The following CCDC91 variants were observed in gnomAD, a reference collection of about 807,000 sequenced individuals.
The protein encoded by CCDC91 is coiled-coil domain containing 91, also known as coiled-coil domain-containing protein 91.
A neutral mutation model predicts 63.2 loss-of-function variants in CCDC91; 48 were observed. The observed-to-expected ratio is 0.76, with a 90% CI of 0.60 to 0.97. The LOEUF is 0.97. CCDC91 is among the 50% of genes least tolerant of loss of function. The pLI, the probability that CCDC91 is intolerant of heterozygous loss-of-function variation, is 0.00. For missense variants in CCDC91, 500 were observed against 494.6 expected, an observed-to-expected ratio of 1.01 and a Z score of -0.10; for synonymous variants, 167 against 165.8, an observed-to-expected ratio of 1.01 and a Z score of -0.06.
chr12:28,464,384 C>T (rs925571418), intron 11 of CCDC91, among the ~76,000 whole-genome samples: 3 of 152,166 alleles, frequency 2.0e-5, no homozygotes, highest in African/African-American at 7.2e-5. Flanking sequence ...TGTGGCATCA[C>T]CCATCCCCAG....
intron 7 of CCDC91, among the ~76,000 whole-genome samples, chr12:28,386,229 C>G (rs1361478570): frequency 6.6e-6 from 1 of 152,036 alleles, no homozygotes; most frequent in Non-Finnish European, 1.5e-5. Flanking sequence ...TATGTAATAT[C>G]AGTTTTCACA....
At chr12:28,416,374 C>T (rs1947663013) in intron 8 of CCDC91, among the ~76,000 whole-genome samples, 1 of 151,762 alleles carries the variant, frequency 6.6e-6, no homozygotes. Flanking sequence ...ATGGTGTGTA[C>T]TGTTAGAGAA....
At chr12:28,502,664 G>A (rs1336768359) in intron 12 of CCDC91, among the ~76,000 whole-genome samples, 3 of 151,510 alleles carry the variant, frequency 2.0e-5, no homozygotes. Flanking sequence ...GAGGCATCAT[G>A]CTACCTGACT....
intron 3 of CCDC91, among the ~76,000 whole-genome samples, chr12:28,261,317 A>AAATTGAT (rs1946810800): frequency 6.6e-6 from 1 of 151,934 alleles, no homozygotes; most frequent in African/African-American, 2.4e-5. Context: ...AATGACACTT[A>AAATTGAT]AAGTTGTAGG....
In CCDC91 at chr12:28,479,415, G is replaced by T. The variant is rs1592794409; in HGVS notation, c.1102-4637G>T. Among the ~76,000 whole-genome samples, 4 of 151,994 alleles carry T rather than the reference G, an allele frequency of 2.6e-5. No homozygotes were observed. In the South Asian group the frequency reaches 8.3e-4, roughly 32 times the overall value. Reference sequence around the variant, plus strand: ...CACTCATAGGTAGGAATTGAACAATGAGAACATTTGGACACATGATGGGGA... The same window carrying T: ...CACTCATAGGTAGGAATTGAACAATTAGAACATTTGGACACATGATGGGGA... On this transcript the variant is annotated intron_variant, in intron 11 of 12. Coordinates refer to ENST00000536442, the MANE Select transcript of CCDC91 (RefSeq NM_018318.5).
intron 6 of CCDC91, among the ~76,000 whole-genome samples, chr12:28,337,237 C>T (rs1942051072): frequency 6.6e-6 from 1 of 152,046 alleles, no homozygotes; most frequent in African/African-American, 2.4e-5. Flanking sequence ...TAATATTTTC[C>T]ATAATACTTC....
At chr12:28,452,380 G>A (rs1949848804) in intron 10 of CCDC91, 98 bp from the exon 11 acceptor site, 6 of 779,006 alleles carry the variant, frequency 7.7e-6, no homozygotes, top group Non-Finnish European at 1.2e-5. Context: ...AAACACTATA[G>A]GATCAAAGTT....
intron 1 of CCDC91, among the ~76,000 whole-genome samples, chr12:28,192,694 G>A (rs140335973): frequency 1.2e-3 from 177 of 152,052 alleles, no homozygotes; most frequent in African/African-American, 3.9e-3. Flanking sequence ...CCCATACCCA[G>A]TAAGTTTGGT....
chr12:28,491,953 A>G, intron 12 of CCDC91, among the ~76,000 whole-genome samples: 1 of 141,908 alleles, frequency 7.0e-6, no homozygotes, highest in Non-Finnish European at 1.6e-5. Flanking sequence ...GCGTGTATGA[A>G]GGTGTTGGGG....
chr12:28,227,600 A>T (rs950694410), intron 1 of CCDC91, among the ~76,000 whole-genome samples: 1 of 151,902 alleles, frequency 6.6e-6, no homozygotes, highest in African/African-American at 2.4e-5. Context: ...TTTGTACCCA[A>T]ACTTGCTTTT....
At chr12:28,501,301 G>A (rs1937817181) in intron 12 of CCDC91, among the ~76,000 whole-genome samples, 1 of 151,820 alleles carries the variant, frequency 6.6e-6, no homozygotes, top group Non-Finnish European at 1.5e-5. Context: ...CAAAGGGAAT[G>A]CTTCCAGTTT....
At chr12:28,376,401 G>C (rs1263267077) in intron 7 of CCDC91, among the ~76,000 whole-genome samples, 1 of 151,664 alleles carries the variant, frequency 6.6e-6, no homozygotes, top group Non-Finnish European at 1.5e-5. Flanking sequence ...ATGGACTGCT[G>C]TTTTTAATAC....
intron 12 of CCDC91, among the ~76,000 whole-genome samples, chr12:28,539,805 A>G (rs1273746939): frequency 6.6e-6 from 1 of 152,108 alleles, no homozygotes; most frequent in Non-Finnish European, 1.5e-5. Context: ...AGTAGGATAA[A>G]TCTGTTTTAA....
chr12:28,520,468 T>TAA (rs1169158655), intron 12 of CCDC91, among the ~76,000 whole-genome samples: 1 of 152,220 alleles, frequency 6.6e-6, no homozygotes, highest in Non-Finnish European at 1.5e-5. Context: ...ATTCTGGATA[T>TAA]TAGCCCTTTG....
rs1306602834 is a variant in CCDC91 at position 28,229,784 on chromosome 12, A to G, written c.-14-27418A>G. Among the ~76,000 whole-genome samples the G allele has an allele frequency of 3.6e-5, 5 of 139,968 alleles. No individual in the cohort carries two copies. In the East Asian group the frequency reaches 1.5e-3, roughly 41 times the overall value. The allele number at this position is 139,968 out of a possible 152,430, so 91.8% of individuals were successfully genotyped here. ...GACTGATTATTAATGATGGGGACATATTTTGGTTTTTTTAGCTCACGTTGG... is the reference window on the plus strand; with the variant it reads ...GACTGATTATTAATGATGGGGACATGTTTTGGTTTTTTTAGCTCACGTTGG... On this transcript the variant is annotated intron_variant, in intron 1 of 12. Transcript: ENST00000536442.
intron 11 of CCDC91, among the ~76,000 whole-genome samples, chr12:28,464,635 C>A (rs1306148223): frequency 6.6e-6 from 1 of 152,156 alleles, no homozygotes; most frequent in African/African-American, 2.4e-5. Context: ...CCAGTCCTGA[C>A]AGGATTTATT....
intron 6 of CCDC91, among the ~76,000 whole-genome samples, chr12:28,352,933 T>C (rs1398857075): frequency 1.3e-5 from 2 of 152,220 alleles, no homozygotes; most frequent in Admixed American, 6.5e-5. Flanking sequence ...AGTCATTGAC[T>C]TCTTCCCTCT....
chr12:28,311,041 T>C (rs926534165), intron 6 of CCDC91, among the ~76,000 whole-genome samples: 2 of 152,082 alleles, frequency 1.3e-5, no homozygotes, highest in African/African-American at 4.8e-5. Flanking sequence ...TTAAATCTTG[T>C]ATTTTAGCAG....
At chr12:28,374,142 A>G (rs1055006510) in intron 7 of CCDC91, among the ~76,000 whole-genome samples, 1 of 152,168 alleles carries the variant, frequency 6.6e-6, no homozygotes, top group Non-Finnish European at 1.5e-5. Flanking sequence ...TCATATTGCC[A>G]TTCCAGAAGT....
Sources: gnomAD v4.1 joint callset for allele counts (sites outside exome capture counted in the v4.1 genomes callset) on GRCh38, gnomAD v4.1.1 for gene constraint, MANE v1.5 for transcripts, NCBI Gene and HGNC (gene_info 2026-07-23, HGNC 2026-07-21) for gene names.